NFIB: variants seen among roughly 807,000 people sequenced by gnomAD.
The protein encoded by NFIB is nuclear factor 1 B-type.
A neutral mutation model predicts 61.5 loss-of-function variants in NFIB; 11 were observed. That is an observed-to-expected ratio of 0.18 (90% CI 0.11 to 0.30). The LOEUF (loss-of-function observed/expected upper bound fraction) is 0.30, where lower values mean the gene tolerates loss of function less well. NFIB is among the 10% of genes least tolerant of loss of function. The pLI is 1.00. For synonymous variants in NFIB, 260 were observed against 216.5 expected (o/e 1.20, Z -1.76); for missense variants, 471 against 608.9 (o/e 0.77, Z 2.38).
At chr9:14,423,070 A>AG in the NFIB span, among the ~76,000 whole-genome samples, 1 of 152,254 alleles carries the variant, frequency 6.6e-6, no homozygotes, top group East Asian at 1.9e-4. Context: ...TGTAAAAAAA[A>AG]GTATGCCCAC....
At chr9:14,088,585 T>C (rs1222854693) in intron 10 of NFIB, among the ~76,000 whole-genome samples, 2 of 152,176 alleles carry the variant, frequency 1.3e-5, no homozygotes, top group African/African-American at 2.4e-5. Context: ...TAAACAATTA[T>C]TGAATTCTAA....
chr9:14,412,529 G>A, the NFIB span, among the ~76,000 whole-genome samples: 6 of 152,164 alleles, frequency 3.9e-5, no homozygotes, highest in African/African-American at 7.2e-5. Flanking sequence ...CTGCTGCTGC[G>A]ACTGGCCTCC....
At chr9:14,144,686 T>A (rs997306750) in intron 6 of NFIB, among the ~76,000 whole-genome samples, 2 of 152,174 alleles carry the variant, frequency 1.3e-5, no homozygotes, top group Non-Finnish European at 2.9e-5. Context: ...GCTATATGAT[T>A]ACATATTATG....
intron 2 of NFIB, among the ~76,000 whole-genome samples, chr9:14,209,877 T>C (rs1351127418): frequency 6.7e-6 from 1 of 149,534 alleles, no homozygotes; most frequent in Non-Finnish European, 1.5e-5. Flanking sequence ...GAACTGCTTT[T>C]CCTGATTATT....
chr9:14,414,101 C>A, the NFIB span, among the ~76,000 whole-genome samples: 1 of 152,110 alleles, frequency 6.6e-6, no homozygotes, highest in Non-Finnish European at 1.5e-5. Flanking sequence ...TAGTGAGGCA[C>A]ATGCCATGTC....
intron 6 of NFIB, among the ~76,000 whole-genome samples, chr9:14,131,477 C>T (rs1247878867): frequency 1.3e-5 from 2 of 152,134 alleles, no homozygotes; most frequent in African/African-American, 4.8e-5. Flanking sequence ...AACTCATCTC[C>T]CAACAAGGTA....
At chr9:14,385,681 C>T (rs1483388127) in intron 1 of NFIB, among the ~76,000 whole-genome samples, 1 of 151,852 alleles carries the variant, frequency 6.6e-6, no homozygotes, top group Admixed American at 6.6e-5. Context: ...AGCATGAGCA[C>T]AATTTATATA....
the NFIB span, among the ~76,000 whole-genome samples, chr9:14,460,976 C>T: frequency 2.6e-5 from 4 of 151,594 alleles, no homozygotes; most frequent in African/African-American, 9.7e-5. Context: ...CTCTGTTTAT[C>T]TGCAGCTTTT....
intron 3 of NFIB, among the ~76,000 whole-genome samples, chr9:14,173,898 G>A (rs1256993749): frequency 1.3e-5 from 2 of 152,116 alleles, no homozygotes; most frequent in Non-Finnish European, 2.9e-5. Context: ...TAGAAGCACT[G>A]TGGAGGCTGG....
chr9:14,260,261 C>T (rs936188801), intron 2 of NFIB, among the ~76,000 whole-genome samples: 2 of 152,132 alleles, frequency 1.3e-5, no homozygotes, highest in African/African-American at 4.8e-5. Context: ...TCCTGGTCCA[C>T]CCCAGGATGG....
chr9:14,143,342 A>G (rs889847354), intron 6 of NFIB, among the ~76,000 whole-genome samples: 3 of 151,942 alleles, frequency 2.0e-5, no homozygotes, highest in African/African-American at 7.2e-5. Context: ...TACATATAAT[A>G]ATTTGGTCAT....
chr9:14,082,668 GTTTTT>G lies in NFIB; in HGVS notation c.*5636_*5640del, dbSNP rs35029845. 5.9e-6 allele frequency: 1 copy of G among 168,986 alleles called. No individual in the cohort carries two copies. The highest frequency in any genetic ancestry group is 1.2e-5 in the Non-Finnish European group (1 of 82,662). 10.5% of individuals were successfully genotyped at this position (168,986 alleles called of 1,614,324 possible). A position where few individuals can be genotyped will look rare whatever the true frequency, so the allele number is the denominator to read the frequency against. ...GAGTTTTTTGGTAAACATTTTGCTG[GTTTTT>G]TTTTTTTGTTTGTTTCTTTCTTGTT... On this transcript the variant is annotated 3_prime_UTR_variant, in exon 11 of 11. Transcript: ENST00000380953.
At chr9:14,398,617 T>G (rs1294522489) in exon 1 of NFIB, 2 of 1,531,280 alleles carry the variant, frequency 1.3e-6, no homozygotes, top group South Asian at 1.2e-5. Context: ...CCACAGACAC[T>G]GGGATTCTTT....
the NFIB span, among the ~76,000 whole-genome samples, chr9:14,431,961 C>T: frequency 6.6e-6 from 1 of 152,154 alleles, no homozygotes; most frequent in Non-Finnish European, 1.5e-5. Context: ...GTGGAAGTAG[C>T]CACCAAATGG....
intron 9 of NFIB, among the ~76,000 whole-genome samples, chr9:14,114,486 G>C (rs181154039): frequency 2.0e-5 from 3 of 152,308 alleles, no homozygotes; most frequent in Admixed American, 1.3e-4. Context: ...TAAGAAGCTG[G>C]AGCTACAAGC....
At position 14,146,818 on chromosome 9, in the gene NFIB, A is replaced by G. The variant is rs775119892; in HGVS notation, c.807-11T>C. On this transcript the variant is annotated splice_polypyrimidine_tract_variant and intron_variant, in intron 5 of 10. Transcript: ENST00000380953. ...GTTTTGGGTCTTTTGCTGTTAAAAT[A>G]TGGCAATAGTTATATTAATGGGATT... The G allele has an allele frequency of 1.9e-6, 3 of 1,603,492 alleles. No individual in the cohort carries two copies. The highest frequency in any genetic ancestry group is 1.7e-6 in the Non-Finnish European group (2 of 1,177,322).
chr9:14,293,700 G>C (rs1031279853), intron 2 of NFIB, among the ~76,000 whole-genome samples: 6 of 152,292 alleles, frequency 3.9e-5, no homozygotes, highest in Non-Finnish European at 8.8e-5. Flanking sequence ...TTAGTAGACA[G>C]CCTTATCAAT....
chr9:14,366,154 T>C (rs1040408032), intron 1 of NFIB, among the ~76,000 whole-genome samples: 5 of 152,204 alleles, frequency 3.3e-5, no homozygotes, highest in African/African-American at 1.2e-4. Flanking sequence ...TCTGTCCTCA[T>C]TGCTTTCAAC....
At chr9:14,289,428 G>C (rs935251694) in intron 2 of NFIB, among the ~76,000 whole-genome samples, 10 of 151,450 alleles carry the variant, frequency 6.6e-5, no homozygotes, top group Non-Finnish European at 5.9e-5. Flanking sequence ...TGAGGGGATG[G>C]GGCAGTATAG....
Sources: gnomAD v4.1 joint callset for allele counts (sites outside exome capture counted in the v4.1 genomes callset) on GRCh38, gnomAD v4.1.1 for gene constraint, MANE v1.5 for transcripts, NCBI Gene and HGNC (gene_info 2026-07-23, HGNC 2026-07-21) for gene names.